TSEN2: variants seen among roughly 807,000 people sequenced by gnomAD.
TSEN2 encodes tRNA-splicing endonuclease subunit Sen2.
TSEN2 carries 54 observed loss-of-function variants against 59.2 expected under a neutral mutation model. That is an observed-to-expected ratio of 0.91 (90% CI 0.73 to 1.14). TSEN2 has a LOEUF of 1.14. Among genes scored for constraint, TSEN2 ranks in the 50% most tolerant of loss-of-function variants. TSEN2 has a pLI of 0.00. For missense variants in TSEN2, 636 were observed against 576.2 expected (o/e 1.10, Z -1.06); for synonymous variants, 195 against 198.2 (o/e 0.98, Z 0.14).
chr3:12,519,216 G>A lies in TSEN2; in HGVS notation c.1099+19G>A. On this transcript the variant is annotated intron_variant, in intron 8 of 11. Transcript: ENST00000284995. ...GATTTACGTAAGTAATTCTTGGCGT[G>A]GTGTGTGTGAGAATAGAGTTTATAT... 2 of 1,614,056 alleles carry A rather than the reference G, an allele frequency of 1.2e-6. No individual in the cohort carries two copies. The highest frequency in any genetic ancestry group is 1.7e-6 in the Non-Finnish European group (2 of 1,180,000).
At chr3:12,534,101 A>T (rs1268611581), downstream of TSEN2, among the ~76,000 whole-genome samples, 3 of 152,144 alleles carry the variant, frequency 2.0e-5, no homozygotes, top group Non-Finnish European at 4.4e-5. Context: ...ATGCAGTCAG[A>T]AATAGAGCCC....
intron 6 of TSEN2, among the ~76,000 whole-genome samples, chr3:12,515,783 G>C (rs1222415560): frequency 6.6e-6 from 1 of 152,050 alleles, no homozygotes; most frequent in African/African-American, 2.4e-5. Context: ...GCAAACATAG[G>C]GTTCTAGAAA....
chr3:12,509,041 A>G (rs2055139165), intron 6 of TSEN2, among the ~76,000 whole-genome samples: 1 of 152,072 alleles, frequency 6.6e-6, no homozygotes, highest in South Asian at 2.1e-4. Context: ...TTTTTAATCA[A>G]ATGCTTTTTA....
chr3:12,516,728 T>G, intron 7 of TSEN2, 67 bp downstream of exon 7: 1 of 1,375,660 alleles, frequency 7.3e-7, no homozygotes, highest in Non-Finnish European at 1.0e-6. Flanking sequence ...GTTGTACTAA[T>G]TTCTATATTG....
chr3:12,513,301 T>C (rs572900951), intron 6 of TSEN2, among the ~76,000 whole-genome samples: 7 of 152,322 alleles, frequency 4.6e-5, no homozygotes, highest in African/African-American at 1.2e-4. Flanking sequence ...AACCTTTTTT[T>C]CCAGGCTGTG....
At chr3:12,522,559 A>G (rs899222867) in intron 8 of TSEN2, among the ~76,000 whole-genome samples, 3 of 152,214 alleles carry the variant, frequency 2.0e-5, no homozygotes, top group African/African-American at 7.2e-5. Context: ...ATGGCTGCAC[A>G]GTTCCTGCTG....
At chr3:12,508,153 T>C (rs1455567550) in intron 6 of TSEN2, among the ~76,000 whole-genome samples, 1 of 152,142 alleles carries the variant, frequency 6.6e-6, no homozygotes, top group Non-Finnish European at 1.5e-5. Flanking sequence ...CGAAGGGTAT[T>C]CCGTGTCAGA....
rs2052393634 is a variant in TSEN2 at position 12,484,587 on chromosome 3, C to T, written c.-311C>T. 1 of 152,342 alleles carries T rather than the reference C, an allele frequency of 6.6e-6. No homozygotes were observed. 9.4% of individuals were successfully genotyped at this position (152,342 alleles called of 1,614,324 possible). A position where few individuals can be genotyped will look rare whatever the true frequency, so the allele number is the denominator to read the frequency against. The stretch of plus-strand genomic sequence containing the variant: ...TGTTTTGCAGCGAAAGGAAATCTCG[C>T]TCTTCCGAAAGTCCTCCAGGGCGAG... On this transcript the variant is annotated 5_prime_UTR_variant, in exon 1 of 12. Coordinates refer to ENST00000284995, the MANE Select transcript of TSEN2 (RefSeq NM_025265.4).
rs982770823 is a variant in TSEN2, at chr3:12,533,415, G to A, written c.*694G>A. ...CCATACCTATAATCCCAGCACTTGG[G>A]AGGCCTTGGGAGGCCAAGGCGCATG... On this transcript the variant is annotated 3_prime_UTR_variant, in exon 12 of 12. Coordinates refer to ENST00000284995, the MANE Select transcript of TSEN2 (RefSeq NM_025265.4). 1 of 152,750 alleles carries A rather than the reference G, an allele frequency of 6.5e-6. No homozygotes were observed. The highest frequency in any genetic ancestry group is 2.4e-5 in the African/African-American group (1 of 41,432). 9.5% of individuals were successfully genotyped at this position (152,750 alleles called of 1,614,324 possible). A position where few individuals can be genotyped will look rare whatever the true frequency, so the allele number is the denominator to read the frequency against.
At chr3:12,519,270 C>G in intron 8 of TSEN2, 73 bp downstream of exon 8, 1 of 1,570,462 alleles carries the variant, frequency 6.4e-7, no homozygotes, top group South Asian at 1.1e-5. Context: ...TCAAATTGAT[C>G]TTGTGTGCTG....
At chr3:12,531,513 C>T in intron 10 of TSEN2, 57 bp from the exon 11 acceptor site, 1 of 1,229,536 alleles carries the variant, frequency 8.1e-7, no homozygotes, top group East Asian at 2.3e-5. Flanking sequence ...TGCTGATGCA[C>T]CCAAATTTGT....
At chr3:12,522,324 A>T (rs1337352625) in intron 8 of TSEN2, among the ~76,000 whole-genome samples, 1 of 152,210 alleles carries the variant, frequency 6.6e-6, no homozygotes, top group Non-Finnish European at 1.5e-5. Context: ...ACTCCCCTGG[A>T]GGCCTTTGCC....
Position 12,489,745 on chromosome 3 carries a change from A to G in TSEN2, c.-17-39A>G, listed in dbSNP as rs146741821. On this transcript the variant is annotated intron_variant, in intron 1 of 11. Transcript: ENST00000284995. The stretch of plus-strand genomic sequence containing the variant: ...ACATTTTGGATCAAGGTAGTTATTG[A>G]TTGTCTGTTTCTTTCTGTTTGTTGT... 5 of 1,569,406 alleles carry G rather than the reference A, an allele frequency of 3.2e-6. No homozygotes were observed. The East Asian group carries it at 9.1e-5, about 29-fold the overall frequency.
At chr3:12,512,130 C>A (rs2055537861) in intron 6 of TSEN2, among the ~76,000 whole-genome samples, 1 of 152,176 alleles carries the variant, frequency 6.6e-6, no homozygotes, top group African/African-American at 2.4e-5. Flanking sequence ...AGGTCTCTGT[C>A]CTGGAAGACA....
intron 8 of TSEN2, among the ~76,000 whole-genome samples, chr3:12,525,377 T>TGATACCATAAGTA: frequency 6.6e-6 from 1 of 152,314 alleles, no homozygotes; most frequent in East Asian, 1.9e-4. Context: ...GTACCATAAG[T>TGATACCATAAGTA]GATACCATAA....
chr3:12,500,244 C>T (rs1305027729), intron 4 of TSEN2, among the ~76,000 whole-genome samples: 1 of 152,204 alleles, frequency 6.6e-6, no homozygotes, highest in Admixed American at 6.5e-5. Flanking sequence ...GTGTTGCCAG[C>T]CAGCTAGAGG....
upstream of TSEN2, among the ~76,000 whole-genome samples, chr3:12,480,523 T>G (rs2052178835): frequency 6.9e-6 from 1 of 144,322 alleles, no homozygotes; most frequent in African/African-American, 2.7e-5. Flanking sequence ...TTGTTTTGTT[T>G]CTTTGTTTTT....
chr3:12,484,747 C>T lies in TSEN2; in HGVS notation c.-151C>T, dbSNP rs1041674629. The T allele has an allele frequency of 2.0e-5, 3 of 152,206 alleles. No individual in the cohort carries two copies. The highest frequency in any genetic ancestry group is 2.9e-5 in the Non-Finnish European group (2 of 68,072). 9.4% of individuals were successfully genotyped at this position (152,206 alleles called of 1,614,324 possible). ...CCTCGTGCGCCTGCAGCCCTTGGTT[C>T]TTGGAAACGCCGGCGCCTTGTTCAG... On this transcript the variant is annotated 5_prime_UTR_variant, in exon 1 of 12. Coordinates refer to ENST00000284995, the MANE Select transcript of TSEN2 (RefSeq NM_025265.4).
At position 12,519,244 on chromosome 3, in the gene TSEN2, G is replaced by T. The variant is rs1199251852; in HGVS notation, c.1099+47G>T. 7 of 1,609,514 alleles carry T rather than the reference G, an allele frequency of 4.3e-6. No individual in the cohort carries two copies. In the South Asian group the frequency reaches 4.4e-5, roughly 10 times the overall value. ...GTGTGTGAGAATAGAGTTTATATCA[G>T]ATTCACCCTAGAATATCAAATTGAT... On this transcript the variant is annotated intron_variant, in intron 8 of 11. Coordinates refer to ENST00000284995, the MANE Select transcript of TSEN2 (RefSeq NM_025265.4).
Sources: gnomAD v4.1 joint callset for allele counts (sites outside exome capture counted in the v4.1 genomes callset) on GRCh38, gnomAD v4.1.1 for gene constraint, MANE v1.5 for transcripts, NCBI Gene and HGNC (gene_info 2026-07-23, HGNC 2026-07-21) for gene names.